AFF2: variants seen among roughly 807,000 people sequenced by gnomAD.
AFF2 encodes the protein ALF transcription elongation factor 2.
In AFF2, 14 loss-of-function variants were observed where a neutral mutation model predicts 76.9. The observed-to-expected ratio is 0.18, with a 90% CI of 0.12 to 0.28. The LOEUF is 0.28. AFF2 is among the 10% of genes least tolerant of loss of function. The pLI is 1.00. For missense variants in AFF2, 868 were observed against 1,001.1 expected, an observed-to-expected ratio of 0.87 and a Z score of 1.79; for synonymous variants, 398 against 366.7, an observed-to-expected ratio of 1.09 and a Z score of -0.98.
At chrX:148,544,400 C>A (rs2052896800) in intron 1 of AFF2, among the ~76,000 whole-genome samples, 2 of 111,325 alleles carry the variant, frequency 1.8e-5, no homozygotes, top group South Asian at 7.7e-4. Context: ...ATATCCCCAT[C>A]CCCACCCTGC....
intron 16 of AFF2, 77 bp from the exon 17 acceptor site, chrX:148,977,856 A>C: frequency 4.1e-6 from 3 of 736,828 alleles, no homozygotes; most frequent in Non-Finnish European, 6.4e-6. Context: ...TCATTCAGGC[A>C]ATCAGAATAC....
Position 148,933,871 on chromosome X carries a change from G to A in AFF2, c.1398-19709G>A, listed in dbSNP as rs936939153. On this transcript the variant is annotated intron_variant, in intron 9 of 20. Transcript: ENST00000370460. ...TATTGAGGGGGAATGTCCAAAATAT[G>A]TGAGATCATTTCTCCTTACACTGAC... 2.7e-5 allele frequency among the ~76,000 whole-genome samples: 3 copies of A among 112,055 alleles called. No individual in the cohort carries two copies. In the Admixed American group the frequency reaches 2.8e-4, roughly 11 times the overall value.
chrX:148,743,851 G>A (rs2055390008), intron 3 of AFF2, among the ~76,000 whole-genome samples: 1 of 111,246 alleles, frequency 9.0e-6, no homozygotes, highest in Non-Finnish European at 1.9e-5. Context: ...GATTATGGGA[G>A]TGTGGAATGC....
intron 11 of AFF2, among the ~76,000 whole-genome samples, chrX:148,956,822 A>T (rs782671373): frequency 3.5e-5 from 4 of 113,240 alleles, no homozygotes; most frequent in African/African-American, 1.3e-4. Context: ...AAGAGTGTCC[A>T]TTATGGCATA....
chrX:148,568,799 G>A (rs1430839246), intron 1 of AFF2, among the ~76,000 whole-genome samples: 1 of 111,881 alleles, frequency 8.9e-6, no homozygotes, highest in Admixed American at 9.5e-5. Flanking sequence ...GCAGTTGGCA[G>A]AGCAGAATGA....
At chrX:148,523,866 C>A (rs782548566) in intron 1 of AFF2, among the ~76,000 whole-genome samples, 43 of 111,508 alleles carry the variant, frequency 3.9e-4, no homozygotes, top group African/African-American at 1.4e-3. Context: ...TTAGGGTAAT[C>A]GTGTAGGCAG....
chrX:148,728,736 C>G (rs1184544747), intron 3 of AFF2, among the ~76,000 whole-genome samples: 1 of 112,232 alleles, frequency 8.9e-6, no homozygotes. Flanking sequence ...CAATATACCT[C>G]TATGCCTAGT....
At chrX:148,556,149 C>A in intron 1 of AFF2, among the ~76,000 whole-genome samples, 1 of 112,150 alleles carries the variant, frequency 8.9e-6, no homozygotes, top group Non-Finnish European at 1.9e-5. Flanking sequence ...TTAGATGCCG[C>A]TAATTCTTCA....
intron 5 of AFF2, 83 bp from the exon 6 acceptor site, chrX:148,842,883 T>C: frequency 1.2e-6 from 1 of 802,336 alleles, no homozygotes; most frequent in African/African-American, 2.1e-5. Flanking sequence ...TAGTCAACTA[T>C]ATCTTCAGCA....
intron 1 of AFF2, among the ~76,000 whole-genome samples, chrX:148,643,163 C>T (rs1319055694): frequency 1.8e-5 from 2 of 111,597 alleles, no homozygotes; most frequent in African/African-American, 3.3e-5. Context: ...AAATTGTTAC[C>T]TCTGATTGGC....
intron 3 of AFF2, among the ~76,000 whole-genome samples, chrX:148,746,898 G>A (rs1366540280): frequency 1.2e-4 from 13 of 112,540 alleles, no homozygotes; most frequent in Non-Finnish European, 2.1e-4. Flanking sequence ...GCATGGAAAT[G>A]CAAAATGATC....
chrX:148,955,870 G>T lies in AFF2; in HGVS notation c.1825G>T (p.Ala609Ser), dbSNP rs1235652805. 11 of 1,209,601 alleles carry T rather than the reference G, an allele frequency of 9.1e-6. No homozygotes were observed. Among genetic ancestry groups the T allele is most frequent in the Non-Finnish European group, 1.2e-5 (11 of 895,223 alleles). ...RPTQKIPETK[A>S]LKHKLSTTSE... ...CACTCAGAAAATTCCAGAAACAAAG[G>T]CTTTGAAGCATAAGTTGTCAACAAC... Residue 609 changes from alanine to serine, a missense_variant, in exon 11 of 21, where the codon GCT (alanine) becomes TCT (serine). Ala to Ser is a moderately conservative substitution (Grantham distance 99). Transcript: ENST00000370460.
chrX:148,505,023 T>G (rs1371325239), intron 1 of AFF2, among the ~76,000 whole-genome samples: 3 of 109,833 alleles, frequency 2.7e-5, no homozygotes, highest in Admixed American at 1.9e-4. Flanking sequence ...GCCTAGAGAT[T>G]CCCAGCATTT....
chrX:148,917,913 C>G (rs192050924), intron 9 of AFF2, among the ~76,000 whole-genome samples: 2 of 111,977 alleles, frequency 1.8e-5, no homozygotes, highest in African/African-American at 6.5e-5. Context: ...AACCCAAGAC[C>G]GTGTTAAAGG....
intron 2 of AFF2, among the ~76,000 whole-genome samples, chrX:148,653,903 A>G (rs782590969): frequency 6.5e-4 from 72 of 111,560 alleles, no homozygotes; most frequent in African/African-American, 2.3e-3. Context: ...GTTGGCTTTG[A>G]GATGCTAGAG....
At chrX:148,691,093 T>A (rs1391608570) in intron 3 of AFF2, among the ~76,000 whole-genome samples, 1 of 111,999 alleles carries the variant, frequency 8.9e-6, no homozygotes, top group Non-Finnish European at 1.9e-5. Context: ...GACATTCATA[T>A]ATGAATTGGA....
At chrX:148,600,490 C>T (rs2053616025) in intron 1 of AFF2, among the ~76,000 whole-genome samples, 3 of 111,627 alleles carry the variant, frequency 2.7e-5, no homozygotes, top group African/African-American at 6.5e-5. Context: ...AGTCGACGGG[C>T]GTTATTCAAA....
chrX:148,701,113 C>T (rs2054793537), intron 3 of AFF2, among the ~76,000 whole-genome samples: 1 of 109,217 alleles, frequency 9.2e-6, no homozygotes, highest in African/African-American at 3.3e-5. Context: ...GTGGATTCCA[C>T]TCAGCTGTGT....
intron 1 of AFF2, among the ~76,000 whole-genome samples, chrX:148,624,866 T>C (rs894300031): frequency 8.9e-6 from 1 of 112,072 alleles, no homozygotes; most frequent in Non-Finnish European, 1.9e-5. Context: ...CGTCTAAGAA[T>C]GGAGTTATAA....
Sources: gnomAD v4.1 joint callset for allele counts (sites outside exome capture counted in the v4.1 genomes callset) on GRCh38, gnomAD v4.1.1 for gene constraint, MANE v1.5 for transcripts, NCBI Gene and HGNC (gene_info 2026-07-23, HGNC 2026-07-21) for gene names.